DSCAML1: variants seen among roughly 807,000 people sequenced by gnomAD.
DSCAML1 encodes cell adhesion molecule DSCAML1.
In DSCAML1, 38 loss-of-function variants were observed where a neutral mutation model predicts 200.5. That is an observed-to-expected ratio of 0.19 (90% CI 0.15 to 0.25). DSCAML1 has a LOEUF of 0.25. Among genes scored for constraint, DSCAML1 ranks in the 10% least tolerant of loss-of-function variants. The pLI is 1.00. For synonymous variants in DSCAML1, 1,215 were observed against 1,165.0 expected (o/e 1.04, Z -0.87); for missense variants, 2,223 against 2,858.8 (o/e 0.78, Z 5.07).
chr11:117,443,106 G>A (rs556252560), intron 21 of DSCAML1, among the ~76,000 whole-genome samples: 117 of 152,300 alleles, frequency 7.7e-4, no homozygotes, highest in African/African-American at 2.6e-3. Flanking sequence ...TCTGGGCTGC[G>A]GTGGATAAGA....
chr11:117,780,953 T>G lies in DSCAML1; in HGVS notation c.47-143A>C, dbSNP rs1224878863. The G allele has an allele frequency of 3.5e-6, 2 of 578,592 alleles. No homozygotes were observed. The highest frequency in any genetic ancestry group is 1.1e-4 in the South Asian group (2 of 19,010). 35.8% of individuals were successfully genotyped at this position (578,592 alleles called of 1,614,324 possible). ...CAGTATGCACTTATTGAGCACTGACTATACACCAGGCACTGGCAAAGGTGA... is the reference window on the plus strand; with the variant it reads ...CAGTATGCACTTATTGAGCACTGACGATACACCAGGCACTGGCAAAGGTGA... On this transcript the variant is annotated intron_variant, in intron 1 of 32. Coordinates refer to ENST00000651296, the MANE Select transcript of DSCAML1 (RefSeq NM_020693.4). The surrounding 1 kb of genome is among the most constrained non-coding windows in gnomAD (Gnocchi z 4.8).
At chr11:117,438,772 C>T (rs1223246922) in intron 24 of DSCAML1, 113 bp downstream of exon 24, 9 of 1,002,854 alleles carry the variant, frequency 9.0e-6, no homozygotes, top group Non-Finnish European at 1.2e-5. Flanking sequence ...CACTTGGCCC[C>T]CAGATCGTTT....
intron 3 of DSCAML1, among the ~76,000 whole-genome samples, chr11:117,717,004 GATGCA>G: frequency 6.6e-6 from 1 of 151,866 alleles, no homozygotes; most frequent in Non-Finnish European, 1.5e-5. Flanking sequence ...ATGCACCCCA[GATGCA>G]CCCCAGCACC....
intron 3 of DSCAML1, among the ~76,000 whole-genome samples, chr11:117,553,138 T>A (rs2050498607): frequency 1.3e-5 from 2 of 152,154 alleles, no homozygotes; most frequent in African/African-American, 4.8e-5. Flanking sequence ...ACATTCACAA[T>A]GGATCGAAGG....
In DSCAML1 at chr11:117,498,184, C is replaced by T. The variant is rs535634684; in HGVS notation, c.2359+5661G>A. Among the ~76,000 whole-genome samples, 3 of 152,354 alleles carry T rather than the reference C, an allele frequency of 2.0e-5. No homozygotes were observed. The highest frequency in any genetic ancestry group is 7.2e-5 in the African/African-American group (3 of 41,584). ...AGATAGGACCCACCACCGGGGAACA[C>T]ACAGGAATATCTTGGGCCAGTTGTT... is the stretch of plus-strand genomic sequence containing the variant. On this transcript the variant is annotated intron_variant, in intron 11 of 32. Coordinates refer to ENST00000651296, the MANE Select transcript of DSCAML1 (RefSeq NM_020693.4). This position sits in a 1 kb window ranked among gnomAD's most constrained non-coding sequence, Gnocchi z 4.0.
chr11:117,517,227 G>T (rs1325109279), intron 7 of DSCAML1, among the ~76,000 whole-genome samples: 1 of 152,190 alleles, frequency 6.6e-6, no homozygotes, highest in Non-Finnish European at 1.5e-5. Context: ...GAAGGTCTTC[G>T]CCAGGTGAGC....
chr11:117,524,312 C>T (rs542773112), intron 5 of DSCAML1, among the ~76,000 whole-genome samples: 1 of 152,364 alleles, frequency 6.6e-6, no homozygotes, highest in African/African-American at 2.4e-5. Flanking sequence ...TCTGATTAAT[C>T]AGTGCCCCTA....
In DSCAML1 at chr11:117,428,446, C is replaced by A; in HGVS notation, c.6044G>T (p.Gly2015Val). 6.5e-7 allele frequency: 1 copy of A among 1,537,332 alleles called. No homozygotes were observed. Among genetic ancestry groups the A allele is most frequent in the Non-Finnish European group, 8.7e-7 (1 of 1,143,714 alleles). Reference protein sequence around the residue: ...APSTEPPRAGGPHTKMGGSRD... With the variant: ...APSTEPPRAGVPHTKMGGSRD... Reference sequence around the variant, plus strand: ...GGAGCCCCCCATTTTGGTGTGTGGGCCCCCGGCTCGTGGAGGCTCGGTGCT... The same window carrying A: ...GGAGCCCCCCATTTTGGTGTGTGGGACCCCGGCTCGTGGAGGCTCGGTGCT... Residue 2015 changes from glycine to valine, a missense_variant, in exon 33 of 33, where the codon GGC becomes GTC. Gly to Val is a moderately radical substitution (Grantham distance 109). Around this residue, in one of 7 missense-constraint regions of DSCAML1, gnomAD observed 280 missense variants for 213.4 expected, o/e 1.31. Transcript: ENST00000651296.
intron 3 of DSCAML1, among the ~76,000 whole-genome samples, chr11:117,580,624 G>C (rs1235947406): frequency 6.6e-6 from 1 of 152,152 alleles, no homozygotes; most frequent in African/African-American, 2.4e-5. Context: ...CCTTGAGCTG[G>C]GATCTGAGGT....
At chr11:117,521,058 A>G (rs565865047) in intron 6 of DSCAML1, 72 bp downstream of exon 6, 2 of 1,564,594 alleles carry the variant, frequency 1.3e-6, no homozygotes, top group African/African-American at 2.7e-5. Flanking sequence ...CATTGCTCCC[A>G]CCTCAGCAGA....
chr11:117,554,120 A>G (rs2050516153), intron 3 of DSCAML1, among the ~76,000 whole-genome samples: 1 of 152,210 alleles, frequency 6.6e-6, no homozygotes, highest in Middle Eastern at 3.2e-3. Flanking sequence ...ATAGAGACAG[A>G]AAGAAGAATG....
intron 1 of DSCAML1, among the ~76,000 whole-genome samples, chr11:117,783,726 G>A (rs1379696848): frequency 6.6e-6 from 1 of 152,086 alleles, no homozygotes; most frequent in Non-Finnish European, 1.5e-5. Flanking sequence ...CCTCAGAGCT[G>A]GGGGATGCAC....
At chr11:117,814,238 T>C (rs1292717139) in intron 1 of DSCAML1, among the ~76,000 whole-genome samples, 8 of 152,220 alleles carry the variant, frequency 5.3e-5, no homozygotes, top group Non-Finnish European at 1.2e-4. Context: ...GACTCTCTTT[T>C]TGGACTCAGC....
chr11:117,539,441 C>G (rs1185155096), intron 3 of DSCAML1, among the ~76,000 whole-genome samples: 1 of 151,846 alleles, frequency 6.6e-6, no homozygotes, highest in Non-Finnish European at 1.5e-5. Flanking sequence ...AACCCCATCT[C>G]TGCTAAAAAT....
At chr11:117,442,276 G>A (rs1023040616) in intron 21 of DSCAML1, among the ~76,000 whole-genome samples, 13 of 151,088 alleles carry the variant, frequency 8.6e-5, no homozygotes, top group African/African-American at 3.2e-4. Context: ...GTATTAGTGT[G>A]TATAGTGTGT....
At chr11:117,580,037 G>A (rs148682665) in intron 3 of DSCAML1, among the ~76,000 whole-genome samples, 8 of 152,268 alleles carry the variant, frequency 5.3e-5, no homozygotes, top group East Asian at 3.9e-4. Flanking sequence ...ACAAAGACAG[G>A]GATTATGCCT....
chr11:117,512,101 C>A (rs1313123333), intron 8 of DSCAML1, among the ~76,000 whole-genome samples: 1 of 152,244 alleles, frequency 6.6e-6, no homozygotes, highest in African/African-American at 2.4e-5. Flanking sequence ...CTTGGCCCCA[C>A]AGAGAGCTGG....
chr11:117,772,962 T>C (rs963809860), intron 3 of DSCAML1, among the ~76,000 whole-genome samples: 1 of 151,798 alleles, frequency 6.6e-6, no homozygotes, highest in South Asian at 2.1e-4. Flanking sequence ...TGGAGGCGGG[T>C]ATAGTAGGTG....
intron 3 of DSCAML1, among the ~76,000 whole-genome samples, chr11:117,640,900 T>C (rs910030888): frequency 6.6e-6 from 1 of 152,218 alleles, no homozygotes; most frequent in Non-Finnish European, 1.5e-5. Context: ...TGTGTGTGTG[T>C]TTGTGTGCAT....
Sources: allele counts gnomAD v4.1 joint callset (sites outside exome capture counted in the v4.1 genomes callset), GRCh38; gene constraint gnomAD v4.1.1; regional missense constraint gnomAD v4.1.1; non-coding constraint Gnocchi (gnomAD v3.1); transcripts MANE v1.5; gene names NCBI Gene and HGNC (gene_info 2026-07-23, HGNC 2026-07-21).